The following SUPT3H variants were observed in gnomAD, a reference collection of about 807,000 sequenced individuals.
SUPT3H encodes the protein SPT3 homolog, SAGA and STAGA complex component, also known as transcription initiation protein SPT3 homolog.
In SUPT3H, 44 loss-of-function variants were observed where a neutral mutation model predicts 44.3. The observed-to-expected ratio is 0.99, with a 90% CI of 0.78 to 1.28. The LOEUF is 1.28. Ranked by LOEUF, SUPT3H falls within the 50% of genes most tolerant of loss-of-function variation. SUPT3H has a pLI of 0.00. For missense variants in SUPT3H, 380 were observed against 387.1 expected, an observed-to-expected ratio of 0.98 and a Z score of 0.15; for synonymous variants, 124 against 125.6, an observed-to-expected ratio of 0.99 and a Z score of 0.09.
intron 2 of SUPT3H, among the ~76,000 whole-genome samples, chr6:45,295,327 T>C (rs746190409): frequency 2.0e-4 from 31 of 151,980 alleles, no homozygotes; most frequent in Non-Finnish European, 3.2e-4. Flanking sequence ...TCTCTCTGTA[T>C]ACAAAAATCA....
chr6:45,374,581 A>C (rs1421240387), intron 1 of SUPT3H, among the ~76,000 whole-genome samples: 1 of 152,248 alleles, frequency 6.6e-6, no homozygotes. Context: ...TTCATTAAGT[A>C]AACTGTAAGC....
At chr6:44,849,429 A>G (rs857602) in intron 10 of SUPT3H, among the ~76,000 whole-genome samples, 139,798 of 150,136 alleles carry the variant, frequency 0.93, 65,910 homozygotes, top group East Asian at 1. Flanking sequence ...GGGTTTCACC[A>G]TTTTAGCCGG....
At chr6:45,374,920 T>C (rs1796563268) in intron 1 of SUPT3H, among the ~76,000 whole-genome samples, 1 of 152,200 alleles carries the variant, frequency 6.6e-6, no homozygotes, top group African/African-American at 2.4e-5. Context: ...TTAAAGTATA[T>C]TTCTGGCCGG....
chr6:45,182,031 A>C (rs183719738), intron 2 of SUPT3H, among the ~76,000 whole-genome samples: 1 of 152,266 alleles, frequency 6.6e-6, no homozygotes, highest in East Asian at 1.9e-4. Flanking sequence ...TTCTCTGAAC[A>C]TAATCATAAT....
intron 3 of SUPT3H, among the ~76,000 whole-genome samples, chr6:45,048,179 C>T (rs998257808): frequency 1.4e-5 from 2 of 146,508 alleles, no homozygotes; most frequent in Non-Finnish European, 3.0e-5. Flanking sequence ...AGATATATGG[C>T]TTGCGAATAT....
chr6:45,317,018 G>T (rs1367509115), intron 2 of SUPT3H, among the ~76,000 whole-genome samples: 1 of 151,954 alleles, frequency 6.6e-6, no homozygotes, highest in Non-Finnish European at 1.5e-5. Flanking sequence ...CTTGAGCTCA[G>T]AAGTTCAAGA....
At chr6:45,026,575 A>G (rs951372555) in intron 3 of SUPT3H, among the ~76,000 whole-genome samples, 5 of 152,160 alleles carry the variant, frequency 3.3e-5, no homozygotes, top group African/African-American at 4.8e-5. Context: ...GTCAAATAAT[A>G]CTATAAATTT....
Position 45,003,740 on chromosome 6 carries a change from G to A in SUPT3H, c.417C>T (p.Asp139=). Residue 139 remains aspartate (D), a synonymous_variant, in exon 6 of 11, where the codon GAC becomes GAT. Transcript: ENST00000371459. The part of the protein sequence containing the change: ...NANKRQKIAQ[D]FLNSIDQTGE... Reference sequence around the variant, plus strand: ...CTGTCTGGTCAATAGAGTTGAGGAAGTCCTGAGCAATCTTTTGTCTTTTGT... The same window carrying A: ...CTGTCTGGTCAATAGAGTTGAGGAAATCCTGAGCAATCTTTTGTCTTTTGT... 1 of 1,613,796 alleles carries A rather than the reference G, an allele frequency of 6.2e-7. No homozygotes were observed. The highest frequency in any genetic ancestry group is 8.5e-7 in the Non-Finnish European group (1 of 1,179,832).
intron 10 of SUPT3H, among the ~76,000 whole-genome samples, chr6:44,870,906 G>C (rs1330152454): frequency 1.3e-5 from 2 of 151,642 alleles, no homozygotes; most frequent in Non-Finnish European, 2.9e-5. Context: ...TGGAAAATCG[G>C]GTCACTCCCA....
intron 2 of SUPT3H, among the ~76,000 whole-genome samples, chr6:45,287,034 C>T (rs1295670555): frequency 6.6e-6 from 1 of 151,854 alleles, no homozygotes; most frequent in Admixed American, 6.6e-5. Context: ...TAGGTGGGAA[C>T]TGAACAATGA....
At chr6:45,359,632 G>GTA (rs1793879181) in intron 2 of SUPT3H, among the ~76,000 whole-genome samples, 1 of 152,102 alleles carries the variant, frequency 6.6e-6, no homozygotes, top group Admixed American at 6.6e-5. Context: ...CATCTAATAA[G>GTA]TATATAGTAA....
intron 10 of SUPT3H, among the ~76,000 whole-genome samples, chr6:44,912,376 T>C (rs1007176440): frequency 2.0e-5 from 3 of 152,218 alleles, no homozygotes; most frequent in African/African-American, 7.2e-5. Context: ...CATAATATTT[T>C]CAAGGTTTAT....
In SUPT3H at chr6:45,365,428, C is replaced by A. The variant is rs769078852; in HGVS notation, c.1-127G>T. On this transcript the variant is annotated intron_variant, in intron 1 of 10. Transcript: ENST00000371459. Reference sequence around the variant, plus strand: ...ATTTAAATTTCTGATTTGTTTTGCACAAAACTGATTCACTTATACTTAATG... The same window carrying A: ...ATTTAAATTTCTGATTTGTTTTGCAAAAAACTGATTCACTTATACTTAATG... 317 of 621,938 alleles carry A rather than the reference C, an allele frequency of 5.1e-4. 2 individuals are homozygous for A. The highest frequency in any genetic ancestry group is 7.5e-4 in the Non-Finnish European group (276 of 370,284). 38.5% of individuals were successfully genotyped at this position (621,938 alleles called of 1,614,324 possible). A position where few individuals can be genotyped will look rare whatever the true frequency, so the allele number is the denominator to read the frequency against.
At chr6:45,201,109 C>G (rs1762403063) in intron 2 of SUPT3H, among the ~76,000 whole-genome samples, 1 of 151,596 alleles carries the variant, frequency 6.6e-6, no homozygotes, top group Non-Finnish European at 1.5e-5. Flanking sequence ...TACATGTTAA[C>G]TTGCATTTCA....
At chr6:45,306,477 G>C (rs891401737) in intron 2 of SUPT3H, among the ~76,000 whole-genome samples, 2 of 152,128 alleles carry the variant, frequency 1.3e-5, no homozygotes, top group African/African-American at 4.8e-5. Flanking sequence ...ACTGGTGCCA[G>C]AACTGTTGTA....
intron 3 of SUPT3H, among the ~76,000 whole-genome samples, chr6:45,069,852 T>G (rs1794098303): frequency 7.7e-6 from 1 of 129,998 alleles, no homozygotes; most frequent in Non-Finnish European, 1.7e-5. Context: ...ATAACTTCCA[T>G]GACACAAAGG....
chr6:44,997,022 T>C (rs1040498274), intron 6 of SUPT3H, among the ~76,000 whole-genome samples: 8 of 151,792 alleles, frequency 5.3e-5, no homozygotes, highest in Non-Finnish European at 1.2e-4. Flanking sequence ...CCACACTATT[T>C]TGACTGTCGT....
intron 2 of SUPT3H, among the ~76,000 whole-genome samples, chr6:45,168,313 A>G (rs1810238740): frequency 6.6e-6 from 1 of 152,072 alleles, no homozygotes. Context: ...AGTGTTTAGG[A>G]TTTCAAATTT....
chr6:44,907,280 A>C (rs1343309394), intron 10 of SUPT3H, among the ~76,000 whole-genome samples: 5 of 152,216 alleles, frequency 3.3e-5, no homozygotes, highest in Non-Finnish European at 7.3e-5. Context: ...AAAGGTGGGA[A>C]ATGATGGTTA....
Sources: allele counts gnomAD v4.1 joint callset (sites outside exome capture counted in the v4.1 genomes callset), GRCh38; gene constraint gnomAD v4.1.1; transcripts MANE v1.5; gene names NCBI Gene and HGNC (gene_info 2026-07-23, HGNC 2026-07-21).